The following ZMIZ1 variants were observed in gnomAD, a reference collection of about 807,000 sequenced individuals.
The protein encoded by ZMIZ1 is zinc finger MIZ domain-containing protein 1.
Under a neutral mutation model 113.9 loss-of-function variants are expected in ZMIZ1, and 17 were observed. That is an observed-to-expected ratio of 0.15 (90% CI 0.10 to 0.22). The LOEUF is 0.22. Ranked by LOEUF, ZMIZ1 falls within the 10% of genes least tolerant of loss-of-function variation. The pLI, the probability that ZMIZ1 is intolerant of heterozygous loss-of-function variation, is 1.00. For synonymous variants in ZMIZ1, 607 were observed against 603.1 expected, an observed-to-expected ratio of 1.01 and a Z score of -0.09; for missense variants, 1,059 against 1,477.8, an observed-to-expected ratio of 0.72 and a Z score of 4.65.
intron 7 of ZMIZ1, among the ~76,000 whole-genome samples, chr10:79,249,543 G>A (rs1412742770): frequency 6.6e-6 from 1 of 152,240 alleles, no homozygotes; most frequent in South Asian, 2.1e-4. Context: ...TGAGGTCCCT[G>A]CTTGTAAGGA....
intron 6 of ZMIZ1, among the ~76,000 whole-genome samples, chr10:79,213,936 A>T (rs113103437): frequency 4.5e-4 from 69 of 152,234 alleles, no homozygotes; most frequent in African/African-American, 1.5e-3. Flanking sequence ...GGGAGCCAGC[A>T]TTTTCACTGC....
At chr10:79,228,254 G>A (rs1029500527) in intron 7 of ZMIZ1, among the ~76,000 whole-genome samples, 11 of 152,240 alleles carry the variant, frequency 7.2e-5, no homozygotes, top group Non-Finnish European at 1.5e-5. Context: ...GGAAACTGAC[G>A]CTCAAAGAGA....
intron 6 of ZMIZ1, 137 bp from the exon 7 acceptor site, chr10:79,216,032 A>C: frequency 2.0e-6 from 1 of 495,600 alleles, no homozygotes. Context: ...TGAAGAAGGC[A>C]CAGTGGACTT....
intron 23 of ZMIZ1, among the ~76,000 whole-genome samples, chr10:79,309,885 A>C (rs1320057231): frequency 6.6e-6 from 1 of 152,176 alleles, no homozygotes; most frequent in Non-Finnish European, 1.5e-5. Flanking sequence ...TGGCAGAGCG[A>C]AAGTGGGGCT....
intron 1 of ZMIZ1, among the ~76,000 whole-genome samples, chr10:79,091,634 T>C (rs1461762106): frequency 6.6e-6 from 1 of 152,114 alleles, no homozygotes; most frequent in African/African-American, 2.4e-5. Context: ...GGAGAGGCTT[T>C]AGCTAGAACA....
intron 4 of ZMIZ1, among the ~76,000 whole-genome samples, chr10:79,178,372 T>G (rs1260166149): frequency 6.6e-6 from 1 of 152,204 alleles, no homozygotes; most frequent in East Asian, 1.9e-4. Flanking sequence ...TACTGTGTGT[T>G]GGTGAGTGAC....
intron 1 of ZMIZ1, among the ~76,000 whole-genome samples, chr10:79,090,841 G>T (rs541270799): frequency 4.5e-4 from 69 of 152,352 alleles, no homozygotes; most frequent in Non-Finnish European, 7.9e-4. Context: ...GCCCAGCTGG[G>T]CCATGCCGGG....
chr10:79,246,703 G>A (rs1850222991), intron 7 of ZMIZ1, among the ~76,000 whole-genome samples: 1 of 152,210 alleles, frequency 6.6e-6, no homozygotes, highest in African/African-American at 2.4e-5. Context: ...GGCTGCAGGA[G>A]GAAACTCTCC....
intron 1 of ZMIZ1, among the ~76,000 whole-genome samples, chr10:79,072,878 A>T (rs1842337543): frequency 6.6e-6 from 1 of 152,228 alleles, no homozygotes. Flanking sequence ...AGCAGGATAT[A>T]GTGCTCTCTG....
intron 6 of ZMIZ1, among the ~76,000 whole-genome samples, chr10:79,211,282 C>G (rs1848519663): frequency 6.6e-6 from 1 of 152,138 alleles, no homozygotes; most frequent in African/African-American, 2.4e-5. Flanking sequence ...CAGGCTGGTC[C>G]CACAGACTCC....
chr10:79,210,383 G>A (rs2132689918), intron 6 of ZMIZ1, among the ~76,000 whole-genome samples: 1 of 152,370 alleles, frequency 6.6e-6, no homozygotes, highest in African/African-American at 2.4e-5. Flanking sequence ...TTGGGGGACA[G>A]GCCCTGTGCT....
At chr10:79,303,472 A>AG (rs1854471782) in intron 18 of ZMIZ1, among the ~76,000 whole-genome samples, 1 of 151,016 alleles carries the variant, frequency 6.6e-6, no homozygotes, top group Admixed American at 6.6e-5. Flanking sequence ...AAAAAAAAAA[A>AG]AAAAAATTGG....
chr10:79,237,291 T>C (rs1013520590), intron 7 of ZMIZ1, among the ~76,000 whole-genome samples: 1 of 152,226 alleles, frequency 6.6e-6, no homozygotes, highest in Non-Finnish European at 1.5e-5. Flanking sequence ...ACTTGCATTT[T>C]ACACCAACGG....
intron 4 of ZMIZ1, among the ~76,000 whole-genome samples, chr10:79,197,271 C>G (rs926746925): frequency 6.6e-5 from 10 of 152,228 alleles, no homozygotes; most frequent in South Asian, 2.1e-4. Context: ...CCCATGCCCC[C>G]ACGTGGGACC....
At chr10:79,176,956 C>T (rs571947098) in intron 4 of ZMIZ1, among the ~76,000 whole-genome samples, 3 of 152,352 alleles carry the variant, frequency 2.0e-5, no homozygotes, top group Non-Finnish European at 2.9e-5. Context: ...CTGCTGCTGA[C>T]AAAACCGTGT....
At chr10:79,189,503 A>G (rs1847506792) in intron 4 of ZMIZ1, among the ~76,000 whole-genome samples, 1 of 152,188 alleles carries the variant, frequency 6.6e-6, no homozygotes, top group African/African-American at 2.4e-5. Context: ...TTGTACAATT[A>G]TGGTTACTGT....
intron 1 of ZMIZ1, among the ~76,000 whole-genome samples, chr10:79,086,858 T>G (rs1456632460): frequency 6.6e-6 from 1 of 152,222 alleles, no homozygotes; most frequent in Non-Finnish European, 1.5e-5. Flanking sequence ...AACTAGGGTT[T>G]CCTGAATTGC....
intron 17 of ZMIZ1, among the ~76,000 whole-genome samples, chr10:79,301,498 C>G (rs1327759930): frequency 1.3e-5 from 2 of 152,064 alleles, no homozygotes; most frequent in African/African-American, 4.8e-5. Flanking sequence ...GCCCAACACA[C>G]AGGGCTTGCT....
intron 2 of ZMIZ1, among the ~76,000 whole-genome samples, chr10:79,133,190 T>C (rs551667451): frequency 6.6e-6 from 1 of 152,312 alleles, no homozygotes; most frequent in East Asian, 1.9e-4. Context: ...CCTCCCTGCC[T>C]TTTCACATGC....
Sources: gnomAD v4.1 joint callset for allele counts (sites outside exome capture counted in the v4.1 genomes callset) on GRCh38, gnomAD v4.1.1 for gene constraint, MANE v1.5 for transcripts, NCBI Gene and HGNC (gene_info 2026-07-23, HGNC 2026-07-21) for gene names.